Variants in LRRC36 observed in about 807,000 individuals in gnomAD.
LRRC36 encodes the protein leucine rich repeat containing 36, also known as leucine-rich repeat-containing protein 36.
In LRRC36, 62 loss-of-function variants were observed where a neutral mutation model predicts 81.1. That is an observed-to-expected ratio of 0.76 (90% CI 0.62 to 0.94). The LOEUF (loss-of-function observed/expected upper bound fraction) is 0.94, where lower values mean the gene tolerates loss of function less well. Ranked by LOEUF, LRRC36 falls within the 40% of genes least tolerant of loss-of-function variation. The pLI is 0.00. For missense variants in LRRC36, 761 were observed against 881.7 expected, an observed-to-expected ratio of 0.86 and a Z score of 1.73; for synonymous variants, 334 against 348.6, an observed-to-expected ratio of 0.96 and a Z score of 0.47.
At chr16:67,384,790 C>T (rs1345162442) in intron 13 of LRRC36, 80 bp from the exon 14 acceptor site, 2 of 990,802 alleles carry the variant, frequency 2.0e-6, no homozygotes, top group East Asian at 2.4e-5. Context: ...TCACATTTGC[C>T]TTTGGGAGAC....
intron 11 of LRRC36, among the ~76,000 whole-genome samples, chr16:67,377,380 G>A (rs941436671): frequency 3.9e-5 from 6 of 152,012 alleles, no homozygotes; most frequent in East Asian, 3.9e-4. Context: ...ACCCAGCCTC[G>A]AGCGCAGTGG....
At chr16:67,330,786 G>A (rs1225505706) in intron 1 of LRRC36, among the ~76,000 whole-genome samples, 1 of 151,864 alleles carries the variant, frequency 6.6e-6, no homozygotes, top group East Asian at 1.9e-4. Flanking sequence ...AATCACTTGA[G>A]CCTGGGAAGC....
intron 1 of LRRC36, 200 bp downstream of exon 1, chr16:67,327,132 G>A: frequency 2.0e-6 from 1 of 499,694 alleles, no homozygotes; most frequent in Non-Finnish European, 3.4e-6. Flanking sequence ...TAACGGGAGG[G>A]TGTGGGGCAG....
At chr16:67,371,413 C>T (rs1380124645) in intron 9 of LRRC36, 171 bp downstream of exon 9, 2 of 729,314 alleles carry the variant, frequency 2.7e-6, no homozygotes, top group African/African-American at 3.5e-5. Flanking sequence ...GCCTTCTGCC[C>T]TTGGGAAAGT....
chr16:67,342,272 T>C (rs1318526780), intron 2 of LRRC36, among the ~76,000 whole-genome samples, 188 bp downstream of exon 2: 2 of 152,202 alleles, frequency 1.3e-5, no homozygotes, highest in Non-Finnish European at 2.9e-5. Context: ...TATAAAATAT[T>C]GGGAGGGCAA....
At chr16:67,355,414 G>T (rs1427344314) in intron 5 of LRRC36, among the ~76,000 whole-genome samples, 1 of 114,428 alleles carries the variant, frequency 8.7e-6, no homozygotes, top group Non-Finnish European at 1.6e-5. Flanking sequence ...TCGCTCTGTC[G>T]CCCAGGCTGG....
chr16:67,343,798 A>G (rs1240293369), intron 2 of LRRC36, among the ~76,000 whole-genome samples: 1 of 151,602 alleles, frequency 6.6e-6, no homozygotes, highest in Non-Finnish European at 1.5e-5. Context: ...TTAGTTTTCT[A>G]TATTTTTTGC....
chr16:67,334,101 G>A (rs915255418), intron 1 of LRRC36, among the ~76,000 whole-genome samples: 7 of 151,142 alleles, frequency 4.6e-5, no homozygotes, highest in Admixed American at 4.0e-4. Context: ...CGTGGATCTC[G>A]GCTCACCGCA....
At chr16:67,333,871 T>C (rs1423248570) in intron 1 of LRRC36, among the ~76,000 whole-genome samples, 2 of 151,868 alleles carry the variant, frequency 1.3e-5, no homozygotes, top group Non-Finnish European at 2.9e-5. Flanking sequence ...TTTCCCTTAA[T>C]TTTAATATCT....
intron 1 of LRRC36, among the ~76,000 whole-genome samples, chr16:67,331,298 G>A (rs373229359): frequency 1.3e-5 from 2 of 152,252 alleles, no homozygotes; most frequent in East Asian, 3.9e-4. Flanking sequence ...GGAAGGCCAG[G>A]GAGGAGGATG....
chr16:67,350,110 C>A, intron 4 of LRRC36, 92 bp from the exon 5 acceptor site: 1 of 830,754 alleles, frequency 1.2e-6, no homozygotes, highest in South Asian at 1.7e-5. Context: ...AAAATCTGAT[C>A]ACCATAGACT....
chr16:67,361,848 T>A (rs1384757550), intron 5 of LRRC36, among the ~76,000 whole-genome samples: 1 of 152,150 alleles, frequency 6.6e-6, no homozygotes, highest in Non-Finnish European at 1.5e-5. Context: ...ATTATAGGTA[T>A]GAGCCACCAT....
chr16:67,362,972 A>G (rs8064110), intron 5 of LRRC36, among the ~76,000 whole-genome samples: 26,984 of 152,006 alleles, frequency 0.18, 5,723 homozygotes, highest in African/African-American at 0.51. Flanking sequence ...TAGTAGAGAC[A>G]GAGTTTCACC....
In LRRC36 at chr16:67,365,290, C is replaced by T. The variant is rs369399502; in HGVS notation, c.703-14C>T. On this transcript the variant is annotated splice_polypyrimidine_tract_variant and intron_variant, in intron 6 of 13. Coordinates refer to ENST00000329956, the MANE Select transcript of LRRC36 (RefSeq NM_018296.6). ...ATGGACTTCCTTCTACCTAAACTTT[C>T]GAACTTTTTTTAGACACAGGAAGTA... 25 of 1,609,244 alleles carry T rather than the reference C, an allele frequency of 1.6e-5. No individual in the cohort carries two copies. The African/African-American group carries it at 1.9e-4, about 12-fold the overall frequency.
chr16:67,350,546 A>G (rs897038496), intron 5 of LRRC36, among the ~76,000 whole-genome samples: 3 of 152,190 alleles, frequency 2.0e-5, no homozygotes, highest in Admixed American at 6.5e-5. Flanking sequence ...CATCATTAGT[A>G]TACCCAGAAA....
intron 13 of LRRC36, among the ~76,000 whole-genome samples, chr16:67,382,647 C>T (rs558449398): frequency 4.6e-5 from 7 of 152,270 alleles, no homozygotes; most frequent in South Asian, 2.1e-4. Flanking sequence ...ACTCAAAGTG[C>T]GTTGTTTCCT....
chr16:67,352,039 C>T (rs2038668494), intron 5 of LRRC36, among the ~76,000 whole-genome samples: 1 of 152,100 alleles, frequency 6.6e-6, no homozygotes, highest in South Asian at 2.1e-4. Flanking sequence ...ATTTGACAAC[C>T]TGTTTTTGTA....
chr16:67,379,240 T>C (rs904643763), intron 12 of LRRC36, among the ~76,000 whole-genome samples: 7 of 151,070 alleles, frequency 4.6e-5, no homozygotes, highest in African/African-American at 1.5e-4. Flanking sequence ...CTGGGAAACA[T>C]AGTGAGAATC....
intron 5 of LRRC36, among the ~76,000 whole-genome samples, chr16:67,357,874 T>A (rs1027549724): frequency 6.6e-6 from 1 of 152,340 alleles, no homozygotes; most frequent in Admixed American, 6.5e-5. Flanking sequence ...ATTAGTTACT[T>A]GCCCCTGTAT....
Sources: allele counts gnomAD v4.1 joint callset (sites outside exome capture counted in the v4.1 genomes callset), GRCh38; gene constraint gnomAD v4.1.1; transcripts MANE v1.5; gene names NCBI Gene and HGNC (gene_info 2026-07-23, HGNC 2026-07-21).